NOL10: variants seen among roughly 807,000 people sequenced by gnomAD.
The protein encoded by NOL10 is H_NH0074G24.1.
A neutral mutation model predicts 103.5 loss-of-function variants in NOL10; 58 were observed. That is an observed-to-expected ratio of 0.56 (90% CI 0.45 to 0.70). The LOEUF (loss-of-function observed/expected upper bound fraction) is 0.70. NOL10 is among the 30% of genes least tolerant of loss of function. The pLI is 0.00. For missense variants in NOL10, 763 were observed against 807.3 expected (o/e 0.95, Z 0.67); for synonymous variants, 287 against 282.5 (o/e 1.02, Z -0.16).
At chr2:10,613,983 G>A (rs1031429937) in intron 13 of NOL10, among the ~76,000 whole-genome samples, 5 of 147,106 alleles carry the variant, frequency 3.4e-5, no homozygotes, top group African/African-American at 1.3e-4. Context: ...TTTTTTAGAA[G>A]GAGTCTCACT....
intron 19 of NOL10, among the ~76,000 whole-genome samples, chr2:10,588,205 T>C (rs12622765): frequency 0.59 from 90,193 of 152,048 alleles, 27,791 homozygotes; most frequent in African/African-American, 0.74. Flanking sequence ...TGGGGAAGGT[T>C]AATTTTTTTG....
chr2:10,586,166 T>C (rs1157140584), intron 19 of NOL10, among the ~76,000 whole-genome samples: 4 of 152,232 alleles, frequency 2.6e-5, no homozygotes, highest in Non-Finnish European at 5.9e-5. Context: ...GGGTTTCTTT[T>C]TGGGGTGATG....
At chr2:10,654,391 A>T in intron 12 of NOL10, 90 bp downstream of exon 12, 1 of 945,132 alleles carries the variant, frequency 1.1e-6, no homozygotes, top group Non-Finnish European at 1.6e-6. Context: ...AACCTAAAAA[A>T]GTATAGCCTT....
chr2:10,609,692 T>C (rs184696010), intron 13 of NOL10, among the ~76,000 whole-genome samples: 14 of 152,314 alleles, frequency 9.2e-5, no homozygotes, highest in African/African-American at 3.1e-4. Context: ...TTGAGGCCCT[T>C]GTAACTACAG....
intron 6 of NOL10, among the ~76,000 whole-genome samples, chr2:10,670,315 GA>G (rs905130694): frequency 1.8e-3 from 265 of 151,406 alleles, no homozygotes; most frequent in African/African-American, 6.2e-3. Context: ...ATTTTCAGGG[GA>G]AAAAAAAGGG....
chr2:10,625,359 G>C (rs952013910), intron 13 of NOL10, among the ~76,000 whole-genome samples: 3 of 152,070 alleles, frequency 2.0e-5, no homozygotes, highest in Non-Finnish European at 4.4e-5. Flanking sequence ...GGGAGCGTGT[G>C]GGGGAGGGAC....
intron 13 of NOL10, among the ~76,000 whole-genome samples, chr2:10,635,745 T>C (rs1321713711): frequency 6.6e-6 from 1 of 152,232 alleles, no homozygotes; most frequent in Non-Finnish European, 1.5e-5. Flanking sequence ...AACATATTCC[T>C]GCAGCCTAGT....
intron 9 of NOL10, among the ~76,000 whole-genome samples, chr2:10,662,650 G>C (rs59287864): frequency 0.051 from 7,819 of 152,120 alleles, 481 homozygotes; most frequent in African/African-American, 0.14. Context: ...ACACCTCTGT[G>C]GACTTTGTGG....
chr2:10,652,856 G>C (rs774758582), intron 12 of NOL10, among the ~76,000 whole-genome samples: 4 of 152,142 alleles, frequency 2.6e-5, no homozygotes, highest in Admixed American at 2.6e-4. Flanking sequence ...TCTGCGGATC[G>C]GTTCAGGGCT....
intron 13 of NOL10, among the ~76,000 whole-genome samples, chr2:10,635,821 T>C (rs1043084168): frequency 2.6e-5 from 4 of 152,200 alleles, no homozygotes; most frequent in African/African-American, 9.7e-5. Context: ...TTTACTTTTA[T>C]AATATAGGAA....
chr2:10,623,895 C>T (rs183002181), intron 13 of NOL10, among the ~76,000 whole-genome samples: 2 of 152,316 alleles, frequency 1.3e-5, no homozygotes, highest in South Asian at 2.1e-4. Flanking sequence ...ATTGACAACA[C>T]CAAATGCTGA....
rs745815879 is a variant in NOL10, at chr2:10,671,650, G to A, written c.368C>T (p.Ser123Leu). The A allele has an allele frequency of 1.5e-5, 23 of 1,580,312 alleles. No individual in the cohort carries two copies. Among genetic ancestry groups the A allele is most frequent in the East Asian group, 2.3e-5 (1 of 44,018 alleles). The change falls in exon 6 of 21, where the codon TCG (serine) becomes TTG (leucine). Residue 123 changes from serine (S) to leucine (L), a missense_variant. Transcript: ENST00000381685. ...LHNDRYIEFH[S>L]QSGFYYKTRI... The stretch of plus-strand genomic sequence containing the variant: ...GGTTTTGTAGTAAAAACCTGATTGC[G>A]AATGAAATTCAATGTATCTATCATT...
chr2:10,587,108 T>TACATATATAC (rs1675100109), intron 19 of NOL10, among the ~76,000 whole-genome samples: 1 of 44,134 alleles, frequency 2.3e-5, no homozygotes, highest in Non-Finnish European at 4.1e-5. Flanking sequence ...CACATATATA[T>TACATATATAC]ACATATATAT....
intron 12 of NOL10, among the ~76,000 whole-genome samples, chr2:10,650,061 G>A (rs1679355357): frequency 6.6e-6 from 1 of 152,110 alleles, no homozygotes; most frequent in African/African-American, 2.4e-5. Context: ...CATTAAGAAT[G>A]TTTTCTGACC....
intron 19 of NOL10, among the ~76,000 whole-genome samples, chr2:10,581,339 C>T (rs959238851): frequency 4.6e-5 from 7 of 152,108 alleles, no homozygotes; most frequent in African/African-American, 7.2e-5. Flanking sequence ...AATACTTGTC[C>T]GTGTGCATAC....
At chr2:10,622,887 G>A (rs1214642016) in intron 13 of NOL10, among the ~76,000 whole-genome samples, 1 of 152,046 alleles carries the variant, frequency 6.6e-6, no homozygotes, top group Non-Finnish European at 1.5e-5. Context: ...GGCCAAAACT[G>A]AATTTAGTAT....
intron 19 of NOL10, among the ~76,000 whole-genome samples, 157 bp from the exon 20 acceptor site, chr2:10,577,895 G>A (rs1674540714): frequency 1.3e-5 from 2 of 152,184 alleles, no homozygotes; most frequent in Non-Finnish European, 2.9e-5. Context: ...AGAATTAGGT[G>A]CATTCAAATA....
intron 17 of NOL10, among the ~76,000 whole-genome samples, chr2:10,597,405 C>G (rs1477996596): frequency 6.6e-6 from 1 of 152,178 alleles, no homozygotes; most frequent in Non-Finnish European, 1.5e-5. Context: ...GGAGGTATCA[C>G]AGCTAGTAAA....
chr2:10,669,348 C>T (rs1346783253), intron 6 of NOL10, among the ~76,000 whole-genome samples: 1 of 150,928 alleles, frequency 6.6e-6, no homozygotes, highest in Non-Finnish European at 1.5e-5. Context: ...CCTCAGCCTC[C>T]CAAAGTGCTG....
Sources: gnomAD v4.1 joint callset for allele counts (sites outside exome capture counted in the v4.1 genomes callset) on GRCh38, gnomAD v4.1.1 for gene constraint, MANE v1.5 for transcripts, NCBI Gene and HGNC (gene_info 2026-07-23, HGNC 2026-07-21) for gene names.